EPB41L3: variants seen among roughly 807,000 people sequenced by gnomAD.
EPB41L3 encodes erythrocyte membrane protein band 4.1 like 3, also known as band 4.1-like protein 3.
In EPB41L3, 57 loss-of-function variants were observed where a neutral mutation model predicts 127.1. That is an observed-to-expected ratio of 0.45 (90% CI 0.36 to 0.56). EPB41L3 has a LOEUF of 0.56. Among genes scored for constraint, EPB41L3 ranks in the 20% least tolerant of loss-of-function variants. EPB41L3 has a pLI of 0.00. For missense variants in EPB41L3, 1,273 were observed against 1,372.2 expected (o/e 0.93, Z 1.14); for synonymous variants, 572 against 549.5 (o/e 1.04, Z -0.57).
At position 5,423,393 on chromosome 18, in the gene EPB41L3, G is replaced by A. The variant is rs757823896; in HGVS notation, c.1324C>T (p.Arg442Cys). ...RSSSKRYTMS[R>C]SLDGEVGTGQ... Reference sequence around the variant, plus strand: ...CGATGCCTACCTCCATCCAAGCTGCGAGACATGGTATAACGTTTGCTGGAT... The same window carrying A: ...CGATGCCTACCTCCATCCAAGCTGCAAGACATGGTATAACGTTTGCTGGAT... Residue 442 changes from arginine (R) to cysteine (C), a missense_variant, in exon 11 of 23, where the codon CGC becomes TGC. Arg to Cys is a radical substitution (Grantham distance 180). Coordinates refer to ENST00000341928, the MANE Select transcript of EPB41L3 (RefSeq NM_012307.5). 1.2e-5 allele frequency: 19 copies of A among 1,604,860 alleles called. No individual in the cohort carries two copies. Among genetic ancestry groups the A allele is most frequent in the African/African-American group, 9.4e-5 (7 of 74,720 alleles).
chr18:5,460,769 T>G (rs2083861459), intron 3 of EPB41L3, among the ~76,000 whole-genome samples: 1 of 152,198 alleles, frequency 6.6e-6, no homozygotes, highest in Admixed American at 6.5e-5. Context: ...GGACACCGGG[T>G]TGAGGCTTCC....
chr18:5,592,556 C>T (rs2094495785), intron 3 of EPB41L3, among the ~76,000 whole-genome samples: 1 of 152,204 alleles, frequency 6.6e-6, no homozygotes, highest in South Asian at 2.1e-4. Context: ...CCCAGGAGTT[C>T]CTTTGCAGTC....
intron 8 of EPB41L3, among the ~76,000 whole-genome samples, chr18:5,430,616 G>A (rs772582028): frequency 6.7e-6 from 1 of 149,032 alleles, no homozygotes; most frequent in Non-Finnish European, 1.5e-5. Flanking sequence ...AGGATGGAGC[G>A]CAGTGGTGCC....
intron 3 of EPB41L3, among the ~76,000 whole-genome samples, chr18:5,607,305 T>C (rs1341335744): frequency 6.6e-6 from 1 of 152,190 alleles, no homozygotes; most frequent in Non-Finnish European, 1.5e-5. Flanking sequence ...TCAGGAAAGA[T>C]ATGATGAGGA....
At chr18:5,488,579 G>GATAATAATAATAATAATAATAATAATA (rs1358108812) in intron 2 of EPB41L3, among the ~76,000 whole-genome samples, 13 of 148,820 alleles carry the variant, frequency 8.7e-5, no homozygotes, top group East Asian at 7.9e-4. Flanking sequence ...TGATGATGAT[G>GATAATAATAATAATAATAATAATAATA]ATGATAATAA....
intron 3 of EPB41L3, among the ~76,000 whole-genome samples, chr18:5,603,632 C>T (rs1464156149): frequency 1.3e-5 from 2 of 152,164 alleles, no homozygotes; most frequent in South Asian, 2.1e-4. Flanking sequence ...CGCCTAATCT[C>T]AGCACTTTGG....
At chr18:5,574,437 T>G (rs2094316941) in intron 3 of EPB41L3, among the ~76,000 whole-genome samples, 1 of 151,590 alleles carries the variant, frequency 6.6e-6, no homozygotes, top group South Asian at 2.1e-4. Context: ...CTGATTTTAT[T>G]TATTTATTTA....
intron 16 of EPB41L3, chr18:5,398,922 G>T (rs535631255): frequency 4.5e-5 from 18 of 399,128 alleles, no homozygotes; most frequent in Admixed American, 3.1e-4. Flanking sequence ...CTTGATGGGG[G>T]CCAGGGATTC....
chr18:5,452,112 T>C (rs1478912004), intron 3 of EPB41L3, among the ~76,000 whole-genome samples: 1 of 152,182 alleles, frequency 6.6e-6, no homozygotes, highest in Non-Finnish European at 1.5e-5. Flanking sequence ...CCCAAAGTGC[T>C]GAGATACAGG....
At chr18:5,481,083 G>A (rs1275315776) in intron 2 of EPB41L3, 1 of 152,174 alleles carries the variant, frequency 6.6e-6, no homozygotes, top group Non-Finnish European at 1.5e-5. Context: ...ACTAAGCTGG[G>A]ATGGGATCTC....
chr18:5,547,289 C>A (rs10853333), upstream of EPB41L3, among the ~76,000 whole-genome samples: 6 of 152,052 alleles, frequency 3.9e-5, no homozygotes, highest in Non-Finnish European at 7.4e-5. Context: ...TGTAACCCCC[C>A]TTGTGGTGCT....
chr18:5,527,471 A>C (rs1206128713), intron 1 of EPB41L3, among the ~76,000 whole-genome samples: 1 of 152,186 alleles, frequency 6.6e-6, no homozygotes, highest in African/African-American at 2.4e-5. Context: ...CGACTCTTTC[A>C]TTTGAGGATT....
chr18:5,627,561 T>G (rs1403781005), intron 1 of EPB41L3, among the ~76,000 whole-genome samples: 1 of 152,214 alleles, frequency 6.6e-6, no homozygotes, highest in African/African-American at 2.4e-5. Context: ...ATGGTTTAAT[T>G]CTATTTTTAA....
intron 3 of EPB41L3, among the ~76,000 whole-genome samples, chr18:5,580,571 C>T (rs761111376): frequency 2.0e-5 from 3 of 152,022 alleles, no homozygotes; most frequent in Non-Finnish European, 2.9e-5. Context: ...TATGCACACG[C>T]ACATATACAA....
In EPB41L3 at chr18:5,543,820, G is replaced by T; in HGVS notation, c.-12+93C>A. The stretch of plus-strand genomic sequence containing the variant: ...AGCCACGCGTCAGCCCCACTGTCCC[G>T]CGCGCCTCGCCCCAGGCCTCGGGCT... On this transcript the variant is annotated intron_variant, in intron 1 of 22. Coordinates refer to ENST00000341928, the MANE Select transcript of EPB41L3 (RefSeq NM_012307.5). This position sits in a 1 kb window ranked among gnomAD's most constrained non-coding sequence, Gnocchi z 5.2. The T allele has an allele frequency of 1.1e-6, 1 of 940,952 alleles. No individual in the cohort carries two copies. The highest frequency in any genetic ancestry group is 4.9e-5 in the South Asian group (1 of 20,410). 58.3% of individuals were successfully genotyped at this position (940,952 alleles called of 1,614,324 possible).
chr18:5,435,374 C>G (rs1456760451), intron 6 of EPB41L3, among the ~76,000 whole-genome samples: 1 of 152,276 alleles, frequency 6.6e-6, no homozygotes, highest in Admixed American at 6.5e-5. Flanking sequence ...AGCAACTTCC[C>G]GTCCTGCACG....
chr18:5,618,043 T>C (rs550457033), intron 1 of EPB41L3, among the ~76,000 whole-genome samples: 4 of 152,336 alleles, frequency 2.6e-5, no homozygotes, highest in Admixed American at 1.3e-4. Flanking sequence ...AGGTTTAATA[T>C]AGTTGTCTGG....
chr18:5,584,794 C>T (rs2094428006), intron 3 of EPB41L3, among the ~76,000 whole-genome samples: 1 of 152,148 alleles, frequency 6.6e-6, no homozygotes, highest in Non-Finnish European at 1.5e-5. Context: ...GGTGAGACAT[C>T]CCAAAGTATC....
intron 3 of EPB41L3, among the ~76,000 whole-genome samples, chr18:5,569,164 C>A (rs1290002351): frequency 6.6e-6 from 1 of 152,064 alleles, no homozygotes; most frequent in African/African-American, 2.4e-5. Context: ...GAAGAAATAA[C>A]AAAACAAAAC....
Sources: gnomAD v4.1 joint callset for allele counts (sites outside exome capture counted in the v4.1 genomes callset) on GRCh38, gnomAD v4.1.1 for gene constraint, Gnocchi (gnomAD v3.1) non-coding constraint, MANE v1.5 for transcripts, NCBI Gene and HGNC (gene_info 2026-07-23, HGNC 2026-07-21) for gene names.